ADGRG6: variants seen among roughly 807,000 people sequenced by gnomAD.
ADGRG6 encodes the protein adhesion G protein-coupled receptor G6, also known as G-protein coupled receptor 126.
In ADGRG6, 84 loss-of-function variants were observed where a neutral mutation model predicts 142.4. The observed-to-expected ratio is 0.59, with a 90% CI of 0.49 to 0.71. The LOEUF (loss-of-function observed/expected upper bound fraction) is 0.71, where lower values mean the gene tolerates loss of function less well. Among genes scored for constraint, ADGRG6 ranks in the 30% least tolerant of loss-of-function variants. ADGRG6 has a pLI of 0.00. For synonymous variants in ADGRG6, 521 were observed against 520.5 expected (o/e 1.00, Z -0.01); for missense variants, 1,367 against 1,466.6 (o/e 0.93, Z 1.11).
intron 22 of ADGRG6, among the ~76,000 whole-genome samples, chr6:142,436,923 G>A (rs949673319): frequency 6.6e-5 from 10 of 152,196 alleles, no homozygotes; most frequent in South Asian, 2.1e-4. Flanking sequence ...TTGGTGCCAC[G>A]TTTCACCTGC....
intron 1 of ADGRG6, among the ~76,000 whole-genome samples, chr6:142,306,256 T>G (rs1189928053): frequency 6.6e-6 from 1 of 152,188 alleles, no homozygotes; most frequent in East Asian, 1.9e-4. Context: ...TTAAGATTAT[T>G]TCGGTGATCC....
rs1776890639 is a variant in ADGRG6, at chr6:142,425,410, A to G, written c.3319+5306A>G. Among the ~76,000 whole-genome samples the G allele has an allele frequency of 3.3e-5, 5 of 152,166 alleles. No homozygotes were observed. The South Asian group carries it at 1.0e-3, about 32-fold the overall frequency. ...TGCTGCTACAAAATACTCATCATTG[A>G]TTTGCTCATTAAACTCTTACTTTTC... is the stretch of plus-strand genomic sequence containing the variant. On this transcript the variant is annotated intron_variant, in intron 22 of 24. Coordinates refer to ENST00000367609, the MANE Select transcript of ADGRG6 (RefSeq NM_198569.3).
chr6:142,388,609 T>TA, intron 6 of ADGRG6, among the ~76,000 whole-genome samples: 1 of 152,106 alleles, frequency 6.6e-6, no homozygotes, highest in East Asian at 1.9e-4. Context: ...TCAGAACACT[T>TA]ACCTTAGCCT....
chr6:142,351,755 C>T (rs1472558161), intron 2 of ADGRG6, among the ~76,000 whole-genome samples: 5 of 152,076 alleles, frequency 3.3e-5, no homozygotes, highest in East Asian at 1.9e-4. Context: ...GCAGAAGAAA[C>T]AGACAGCCTA....
chr6:142,331,089 T>C (rs1490423189), intron 2 of ADGRG6, among the ~76,000 whole-genome samples: 1 of 151,688 alleles, frequency 6.6e-6, no homozygotes, highest in African/African-American at 2.4e-5. Flanking sequence ...GACATGGCTG[T>C]ATGTGACATG....
intron 2 of ADGRG6, among the ~76,000 whole-genome samples, chr6:142,348,645 A>C (rs1178915401): frequency 6.6e-6 from 1 of 151,028 alleles, no homozygotes; most frequent in Non-Finnish European, 1.5e-5. Context: ...TTTTTTAGAT[A>C]TTTAGACTTC....
chr6:142,380,556 A>G (rs1411474538), intron 4 of ADGRG6, among the ~76,000 whole-genome samples: 1 of 152,182 alleles, frequency 6.6e-6, no homozygotes, highest in Non-Finnish European at 1.5e-5. Flanking sequence ...TTACTTTAGC[A>G]AAGCCCAGTG....
chr6:142,400,623 C>A, intron 11 of ADGRG6, 27 bp downstream of exon 11: 2 of 1,137,664 alleles, frequency 1.8e-6, no homozygotes, highest in Non-Finnish European at 2.7e-6. Flanking sequence ...CTCTTGCCAG[C>A]AAAGCTACAT....
intron 7 of ADGRG6, among the ~76,000 whole-genome samples, chr6:142,392,438 T>A (rs1774941414): frequency 6.6e-6 from 1 of 151,926 alleles, no homozygotes; most frequent in African/African-American, 2.4e-5. Flanking sequence ...TTTATATTGT[T>A]AATTTATAAT....
chr6:142,351,984 G>A (rs1276991573), intron 2 of ADGRG6, among the ~76,000 whole-genome samples: 1 of 152,214 alleles, frequency 6.6e-6, no homozygotes, highest in Non-Finnish European at 1.5e-5. Context: ...TGAGTTTGCA[G>A]AGAAAGGTGA....
Position 142,409,815 on chromosome 6 carries a change from A to G in ADGRG6, c.2389-59A>G, listed in dbSNP as rs1775992225. On this transcript the variant is annotated intron_variant, in intron 16 of 24. Coordinates refer to ENST00000367609, the MANE Select transcript of ADGRG6 (RefSeq NM_198569.3). The stretch of plus-strand genomic sequence containing the variant: ...CCCTTCGTGTTTTTATTCTTTTGCC[A>G]TATTTAAATCATGGCATTTTAAACA... The G allele has an allele frequency of 1.1e-5, 8 of 735,506 alleles. No individual in the cohort carries two copies. The Middle Eastern group carries it at 1.5e-3, about 139-fold the overall frequency. The allele number at this position is 735,506 out of a possible 1,614,324, so 45.6% of individuals were successfully genotyped here. A position where few individuals can be genotyped will look rare whatever the true frequency, so the allele number is the denominator to read the frequency against.
chr6:142,397,536 A>G, intron 9 of ADGRG6, 77 bp from the exon 10 acceptor site: 1 of 1,382,850 alleles, frequency 7.2e-7, no homozygotes. Flanking sequence ...CTCTACATCC[A>G]AATACTCTGT....
chr6:142,345,566 A>G (rs1029860857), intron 2 of ADGRG6, among the ~76,000 whole-genome samples: 4 of 152,144 alleles, frequency 2.6e-5, no homozygotes, highest in Non-Finnish European at 5.9e-5. Context: ...TGACATGCAA[A>G]AGGGAAAGGA....
intron 9 of ADGRG6, among the ~76,000 whole-genome samples, chr6:142,396,048 A>G (rs1775171838): frequency 6.6e-6 from 1 of 152,180 alleles, no homozygotes; most frequent in African/African-American, 2.4e-5. Context: ...GAAAACACAC[A>G]GATAAGACCT....
At chr6:142,388,157 A>C (rs1782123477) in intron 6 of ADGRG6, among the ~76,000 whole-genome samples, 1 of 152,144 alleles carries the variant, frequency 6.6e-6, no homozygotes, top group Non-Finnish European at 1.5e-5. Flanking sequence ...TTCAGTGGGC[A>C]TATTTTTTTA....
chr6:142,314,424 G>A (rs1257790308), intron 2 of ADGRG6, among the ~76,000 whole-genome samples: 1 of 152,144 alleles, frequency 6.6e-6, no homozygotes, highest in African/African-American at 2.4e-5. Flanking sequence ...ATAATGTGGA[G>A]AGGGTTGGTA....
chr6:142,407,188 AAAG>A (rs1413094730), intron 15 of ADGRG6, among the ~76,000 whole-genome samples: 3 of 151,280 alleles, frequency 2.0e-5, no homozygotes, highest in African/African-American at 7.3e-5. Context: ...AAAAAAAAAA[AAAG>A]GAAGCATATG....
chr6:142,346,001 GTTCACTT>G (rs1262729210), intron 2 of ADGRG6, among the ~76,000 whole-genome samples: 1 of 152,136 alleles, frequency 6.6e-6, no homozygotes, highest in Non-Finnish European at 1.5e-5. Flanking sequence ...CCTTCCTTAT[GTTCACTT>G]TAGTAATCTC....
chr6:142,321,347 G>T (rs981151226), intron 2 of ADGRG6, among the ~76,000 whole-genome samples: 1 of 149,598 alleles, frequency 6.7e-6, no homozygotes, highest in Non-Finnish European at 1.5e-5. Flanking sequence ...TATATTATTG[G>T]GTATTTATCC....
Sources: allele counts gnomAD v4.1 joint callset (sites outside exome capture counted in the v4.1 genomes callset), GRCh38; gene constraint gnomAD v4.1.1; transcripts MANE v1.5; gene names NCBI Gene and HGNC (gene_info 2026-07-23, HGNC 2026-07-21).